Variants in SLC16A14 observed in about 807,000 individuals in gnomAD.
SLC16A14 encodes solute carrier family 16 member 14.
In SLC16A14, 14 loss-of-function variants were observed where a neutral mutation model predicts 35.8. The observed-to-expected ratio is 0.39, with a 90% CI of 0.26 to 0.61. The LOEUF (loss-of-function observed/expected upper bound fraction) is 0.61. Among genes scored for constraint, SLC16A14 ranks in the 20% least tolerant of loss-of-function variants. The pLI is 0.51. For missense variants in SLC16A14, 533 were observed against 655.0 expected, an observed-to-expected ratio of 0.81 and a Z score of 2.03; for synonymous variants, 248 against 258.9, an observed-to-expected ratio of 0.96 and a Z score of 0.40.
At chr2:230,048,766 A>G (rs990615805) in intron 3 of SLC16A14, among the ~76,000 whole-genome samples, 19 of 151,998 alleles carry the variant, frequency 1.3e-4, no homozygotes, top group Admixed American at 7.2e-4. Flanking sequence ...TCTACTAAAA[A>G]TACAAAATTA....
At position 230,045,869 on chromosome 2, in the gene SLC16A14, A is replaced by C. The variant is rs2077601188; in HGVS notation, c.1257T>G (p.Ser419Arg). ...AVICALIGFSSGYFSLMPVVT... is the reference protein window; with the variant it reads ...AVICALIGFSRGYFSLMPVVT... ...CTACGGGCATTAGGGAGAAATAACCACTGGAAAACCCTATCAGCGCACAGA... is the reference window on the plus strand; with the variant it reads ...CTACGGGCATTAGGGAGAAATAACCCCTGGAAAACCCTATCAGCGCACAGA... Residue 419 changes from serine to arginine, a missense_variant, in exon 4 of 5, where the codon AGT becomes AGG. Coordinates refer to ENST00000295190, the MANE Select transcript of SLC16A14 (RefSeq NM_152527.5). The C allele has an allele frequency of 6.2e-7, 1 of 1,613,906 alleles. No homozygotes were observed. Among genetic ancestry groups the C allele is most frequent in the Non-Finnish European group, 8.5e-7 (1 of 1,179,888 alleles).
At chr2:230,065,467 C>T (rs940906542) in intron 1 of SLC16A14, among the ~76,000 whole-genome samples, 4 of 152,076 alleles carry the variant, frequency 2.6e-5, no homozygotes, top group Non-Finnish European at 2.9e-5. Context: ...GTTGGTCAGG[C>T]GGGTCTGGAA....
At chr2:230,065,935 C>T (rs564702128) in intron 1 of SLC16A14, among the ~76,000 whole-genome samples, 1 of 152,246 alleles carries the variant, frequency 6.6e-6, no homozygotes, top group East Asian at 1.9e-4. Flanking sequence ...TTTTCTACAT[C>T]CTGACATACA....
intron 4 of SLC16A14, among the ~76,000 whole-genome samples, chr2:230,044,589 G>A (rs1033459660): frequency 1.3e-5 from 2 of 152,154 alleles, no homozygotes; most frequent in African/African-American, 4.8e-5. Flanking sequence ...ACGCGCCAAA[G>A]AATGAAAGTG....
rs76384109 is a variant in SLC16A14, at chr2:230,042,964, G to A, written c.1381+2781C>T. Among the ~76,000 whole-genome samples the A allele has an allele frequency of 5.3e-3, 809 of 152,272 alleles. 8 individuals are homozygous for A. Among genetic ancestry groups the A allele is most frequent in the African/African-American group, 0.017 (698 of 41,550 alleles). The stretch of plus-strand genomic sequence containing the variant: ...GGGCCAAGAGGATGTCTGAGACGTT[G>A]CCCCAATATCCTCCAGTCCCTGAAC... On this transcript the variant is annotated intron_variant, in intron 4 of 4. Transcript: ENST00000295190.
intron 2 of SLC16A14, among the ~76,000 whole-genome samples, chr2:230,057,108 GATATAA>G (rs2077711983): frequency 6.6e-6 from 1 of 151,988 alleles, no homozygotes; most frequent in Non-Finnish European, 1.5e-5. Context: ...CAGACAATTA[GATATAA>G]ATATATGGCT....
intron 3 of SLC16A14, 109 bp downstream of exon 3, chr2:230,049,652 G>A (rs1185790563): frequency 1.7e-6 from 2 of 1,185,754 alleles, no homozygotes; most frequent in African/African-American, 3.1e-5. Flanking sequence ...TGGGGGGGAG[G>A]AAACAGAACA....
intron 1 of SLC16A14, among the ~76,000 whole-genome samples, chr2:230,061,744 T>C (rs1469040215): frequency 4.1e-5 from 3 of 72,592 alleles, no homozygotes; most frequent in Non-Finnish European, 8.8e-5. Flanking sequence ...GAACAATATC[T>C]TTTTTTTTTT....
In SLC16A14 at chr2:230,046,606, G is replaced by A; in HGVS notation, c.520C>T (p.Leu174=). The A allele has an allele frequency of 1.9e-6, 3 of 1,613,448 alleles. No homozygotes were observed. In the South Asian group the frequency reaches 3.3e-5, roughly 18 times the overall value. The stretch of plus-strand genomic sequence containing the variant: ...AGGTACTTCAGCAGCACAGTCATTA[G>A]GAACGTACCGAATCCGGTCCCCGTG... ...STTGTGFGTF[L]MTVLLKYLCA... is the part of the protein sequence containing the mutation. The change falls in exon 4 of 5, where the codon CTA becomes TTA. Residue 174 remains leucine, a synonymous_variant. Transcript: ENST00000295190. The surrounding 1 kb of genome is among the most constrained non-coding windows in gnomAD (Gnocchi z 5.0).
rs200666153 is a variant in SLC16A14 at position 230,045,759 on chromosome 2, C to T, written c.1367G>A (p.Gly456Glu). Residue 456 changes from glycine (G) to glutamate (E), a missense_variant, in exon 4 of 5, where the codon GGA (glycine) becomes GAA (glutamate). Transcript: ENST00000295190. ...ICANGISALL[G>E]PPFAGWIYDI... ...AGAGAGTTTACCTGCAAAAGGTGGT[C>T]CCAGCAATGCAGAGATGCCATTAGC... 9 of 1,614,178 alleles carry T rather than the reference C, an allele frequency of 5.6e-6. No individual in the cohort carries two copies. The highest frequency in any genetic ancestry group is 7.6e-6 in the Non-Finnish European group (9 of 1,180,048).
At chr2:230,045,321 G>T (rs1485472796) in intron 4 of SLC16A14, among the ~76,000 whole-genome samples, 1 of 152,238 alleles carries the variant, frequency 6.6e-6, no homozygotes, top group African/African-American at 2.4e-5. Context: ...ACTTTGGAAG[G>T]CTGAGGCAGG....
intron 2 of SLC16A14, 124 bp downstream of exon 2, chr2:230,058,970 A>G (rs1286539489): frequency 6.8e-7 from 1 of 1,467,970 alleles, no homozygotes; most frequent in African/African-American, 1.4e-5. Context: ...ATTTTATCAC[A>G]ATTGAAAAAT....
intron 2 of SLC16A14, among the ~76,000 whole-genome samples, chr2:230,055,981 A>ACCT (rs1181546530): frequency 1.3e-5 from 2 of 152,226 alleles, no homozygotes; most frequent in African/African-American, 4.8e-5. Context: ...ACTGAAATAA[A>ACCT]CCTACCTGCG....
At position 230,063,978 on chromosome 2, in the gene SLC16A14, G is replaced by A. The variant is rs922438449; in HGVS notation, c.-15+4577C>T. On this transcript the variant is annotated intron_variant, in intron 1 of 4. Transcript: ENST00000295190. Reference sequence around the variant, plus strand: ...GCACATGTGGTGGCGCATACTTGTGGTCCCAGCTACCTGGAGGCAGAGGTG... The same window carrying A: ...GCACATGTGGTGGCGCATACTTGTGATCCCAGCTACCTGGAGGCAGAGGTG... Among the ~76,000 whole-genome samples the A allele has an allele frequency of 5.9e-5, 9 of 152,024 alleles. No homozygotes were observed. The East Asian group carries it at 1.5e-3, about 26-fold the overall frequency.
intron 2 of SLC16A14, among the ~76,000 whole-genome samples, chr2:230,055,572 A>G (rs1212676653): frequency 6.6e-6 from 1 of 152,202 alleles, no homozygotes; most frequent in Non-Finnish European, 1.5e-5. Flanking sequence ...ACACACAGTT[A>G]CCTGTCAATT....
In SLC16A14 at chr2:230,035,213, G is replaced by A. The variant is rs1406407658; in HGVS notation, c.*2167C>T. On this transcript the variant is annotated 3_prime_UTR_variant, in exon 5 of 5. Coordinates refer to ENST00000295190, the MANE Select transcript of SLC16A14 (RefSeq NM_152527.5). Reference sequence around the variant, plus strand: ...AGGTCTTTATTTTTTTTGACAATGGGAACTTCCACTCATTCGGTAGAAGTC... The same window carrying A: ...AGGTCTTTATTTTTTTTGACAATGGAAACTTCCACTCATTCGGTAGAAGTC... The A allele has an allele frequency of 6.6e-6, 1 of 152,276 alleles. No individual in the cohort carries two copies. The highest frequency in any genetic ancestry group is 1.5e-5 in the Non-Finnish European group (1 of 68,002). The allele number at this position is 152,276 out of a possible 1,614,324, so 9.4% of individuals were successfully genotyped here.
At chr2:230,059,020 T>G in intron 2 of SLC16A14, 74 bp downstream of exon 2, 2 of 1,508,752 alleles carry the variant, frequency 1.3e-6, no homozygotes, top group Non-Finnish European at 1.8e-6. Context: ...TACAACAATA[T>G]AAAACATCAC....
rs1413202510 is a variant in SLC16A14 at position 230,040,669 on chromosome 2, C to A, written c.1382-3138G>T. ...AAAAAGCACATCCAACTTCACTGAA[C>A]AATTTAACATAGTGCAAATTGTAGG... On this transcript the variant is annotated intron_variant, in intron 4 of 4. Coordinates refer to ENST00000295190, the MANE Select transcript of SLC16A14 (RefSeq NM_152527.5). Among the ~76,000 whole-genome samples, 6 of 152,192 alleles carry A rather than the reference C, an allele frequency of 3.9e-5. No homozygotes were observed. In the East Asian group the frequency reaches 1.2e-3, roughly 29 times the overall value.
In SLC16A14 at chr2:230,065,310, G is replaced by A. The variant is rs541559941; in HGVS notation, c.-15+3245C>T. Among the ~76,000 whole-genome samples the A allele has an allele frequency of 3.0e-3, 461 of 152,162 alleles. 3 individuals carry two copies. The highest frequency in any genetic ancestry group is 0.011 in the African/African-American group (444 of 41,500). ...CTTACTCTGTTGTCCAGGCTGGAGTGCAGTGGCATGATCTCGGCTCATTGC... is the reference window on the plus strand; with the variant it reads ...CTTACTCTGTTGTCCAGGCTGGAGTACAGTGGCATGATCTCGGCTCATTGC... On this transcript the variant is annotated intron_variant, in intron 1 of 4. Coordinates refer to ENST00000295190, the MANE Select transcript of SLC16A14 (RefSeq NM_152527.5).
Sources: allele counts gnomAD v4.1 joint callset (sites outside exome capture counted in the v4.1 genomes callset), GRCh38; gene constraint gnomAD v4.1.1; non-coding constraint Gnocchi (gnomAD v3.1); transcripts MANE v1.5; gene names NCBI Gene and HGNC (gene_info 2026-07-23, HGNC 2026-07-21).